The following INTS6 variants were observed in gnomAD, a reference collection of about 807,000 sequenced individuals.
INTS6 encodes integrator complex subunit 6.
A neutral mutation model predicts 104.9 loss-of-function variants in INTS6; 16 were observed. The ratio of observed to expected loss-of-function variants is 0.15; its 90% CI spans 0.10 to 0.23. The LOEUF (loss-of-function observed/expected upper bound fraction) is 0.23. Ranked by LOEUF, INTS6 falls within the 10% of genes least tolerant of loss-of-function variation. The probability of loss-of-function intolerance (pLI) is 1.00; values close to 1 mark genes in which losing one functional copy is unlikely to be tolerated. For missense variants in INTS6, 584 were observed against 1,062.8 expected, an observed-to-expected ratio of 0.55 and a Z score of 6.26; for synonymous variants, 324 against 358.7, an observed-to-expected ratio of 0.90 and a Z score of 1.09.
downstream of INTS6, among the ~76,000 whole-genome samples, chr13:51,350,530 C>G (rs1278323330): frequency 6.6e-6 from 1 of 152,026 alleles, no homozygotes; most frequent in African/African-American, 2.4e-5. Flanking sequence ...TCTTAAAATC[C>G]ACCAGATCCC....
intron 4 of INTS6, among the ~76,000 whole-genome samples, chr13:51,427,123 T>C (rs143800228): frequency 2.6e-4 from 40 of 152,220 alleles, no homozygotes; most frequent in Middle Eastern, 3.4e-3. Context: ...TTGGATAACA[T>C]GACTCTTAAG....
Position 51,364,262 on chromosome 13 carries a change from G to A in INTS6, c.*1490C>T, listed in dbSNP as rs1955641307. On this transcript the variant is annotated 3_prime_UTR_variant, in exon 18 of 18. Transcript: ENST00000311234. ...AGGGTTTGTCTTCAGTATTGGGAGA[G>A]TTTCAAATCCCCTAGACTAAATGCA... 6.8e-7 allele frequency: 1 copy of A among 1,478,160 alleles called. No homozygotes were observed. The highest frequency in any genetic ancestry group is 9.1e-7 in the Non-Finnish European group (1 of 1,101,064). The allele number at this position is 1,478,160 out of a possible 1,614,324, so 91.6% of individuals were successfully genotyped here.
chr13:51,353,381 A>T (rs1273891921), downstream of INTS6, among the ~76,000 whole-genome samples: 1 of 152,222 alleles, frequency 6.6e-6, no homozygotes, highest in Non-Finnish European at 1.5e-5. Context: ...ACAAGGATTC[A>T]TTCATTTAAT....
chr13:51,430,598 G>A (rs1359400882), intron 3 of INTS6, among the ~76,000 whole-genome samples: 1 of 152,164 alleles, frequency 6.6e-6, no homozygotes. Context: ...AGAGAAAGAG[G>A]TGGATTTTTC....
In INTS6 at chr13:51,364,099, C is replaced by G; in HGVS notation, c.*1653G>C. On this transcript the variant is annotated 3_prime_UTR_variant, in exon 18 of 18. Transcript: ENST00000311234. ...ACTCTCAATGAATTTAGCAATGTGA[C>G]TACAGGCAATTACCTTAACAATTCC... 2.4e-6 allele frequency: 1 copy of G among 422,336 alleles called. No individual in the cohort carries two copies. The highest frequency in any genetic ancestry group is 4.1e-6 in the Non-Finnish European group (1 of 241,696). The allele number at this position is 422,336 out of a possible 1,614,324, so 26.2% of individuals were successfully genotyped here. A position where few individuals can be genotyped will look rare whatever the true frequency, so the allele number is the denominator to read the frequency against.
chr13:51,349,965 A>C (rs1955388935), downstream of INTS6, among the ~76,000 whole-genome samples: 1 of 152,202 alleles, frequency 6.6e-6, no homozygotes, highest in Non-Finnish European at 1.5e-5. Flanking sequence ...TGGGGAACAA[A>C]ACAAAAAAAG....
the INTS6 span, among the ~76,000 whole-genome samples, chr13:51,347,931 C>G: frequency 5.3e-5 from 8 of 150,538 alleles, no homozygotes; most frequent in Non-Finnish European, 1.0e-4. Flanking sequence ...GGGCACTACT[C>G]TATGTGGTTC....
chr13:51,436,703 A>G (rs148158780), intron 3 of INTS6: 1 of 152,350 alleles, frequency 6.6e-6, no homozygotes, highest in Non-Finnish European at 1.5e-5. Context: ...TCAATAATTG[A>G]TAAGACTAAG....
the INTS6 span, chr13:51,341,176 C>A: frequency 6.2e-7 from 1 of 1,614,022 alleles, no homozygotes. Context: ...AATGACATTG[C>A]TGAAGACTGA....
intron 3 of INTS6, among the ~76,000 whole-genome samples, chr13:51,432,825 G>T (rs1318306717): frequency 6.6e-6 from 1 of 152,056 alleles, no homozygotes; most frequent in Non-Finnish European, 1.5e-5. Context: ...ATTCGTGTTG[G>T]CCATTCAAAG....
Position 51,451,968 on chromosome 13 carries a change from G to C in INTS6, c.189+10C>G, listed in dbSNP as rs1318868754. The C allele has an allele frequency of 4.4e-6, 7 of 1,604,478 alleles. No homozygotes were observed. Among genetic ancestry groups the C allele is most frequent in the Non-Finnish European group, 6.0e-6 (7 of 1,173,678 alleles). ...GGAAGGGAGGAAAGGGGGAGGGCGA[G>C]GGCTGTTACCTTGATAGCATAGGGC... On this transcript the variant is annotated intron_variant, in intron 2 of 17. Coordinates refer to ENST00000311234, the MANE Select transcript of INTS6 (RefSeq NM_012141.3).
chr13:51,406,639 C>T (rs1956572674), intron 4 of INTS6, among the ~76,000 whole-genome samples: 3 of 152,290 alleles, frequency 2.0e-5, no homozygotes, highest in Admixed American at 6.5e-5. Context: ...CTCTCCTCCA[C>T]CCCCTACCTC....
downstream of INTS6, among the ~76,000 whole-genome samples, chr13:51,352,538 G>A (rs1955415776): frequency 6.6e-6 from 1 of 151,718 alleles, no homozygotes; most frequent in Non-Finnish European, 1.5e-5. Context: ...TGTGAATAGA[G>A]ATAGATTTAC....
chr13:51,443,322 G>T (rs1043325363), intron 3 of INTS6: 6 of 152,110 alleles, frequency 3.9e-5, no homozygotes, highest in African/African-American at 1.4e-4. Flanking sequence ...AAAGTTTAAT[G>T]AAAACTTGTC....
Position 51,369,326 on chromosome 13 carries a change from C to T in INTS6, c.2105-16G>A, listed in dbSNP as rs73195996. 65,772 of 1,580,816 alleles carry T rather than the reference C, an allele frequency of 0.042. 1,719 individuals are homozygous for T. The highest frequency in any genetic ancestry group is 0.091 in the South Asian group (7,936 of 86,810). On this transcript the variant is annotated splice_polypyrimidine_tract_variant and intron_variant, in intron 15 of 17. Transcript: ENST00000311234. ...GTTTCTGAAACTAAAAACAAAGATA[C>T]GGGGAAAAAATTATGGGATCCAGTC...
chr13:51,452,631 G>A lies in INTS6; in HGVS notation c.-106C>T. 1 of 1,518,640 alleles carries A rather than the reference G, an allele frequency of 6.6e-7. No individual in the cohort carries two copies. 94.1% of individuals were successfully genotyped at this position (1,518,640 alleles called of 1,614,324 possible). A position where few individuals can be genotyped will look rare whatever the true frequency, so the allele number is the denominator to read the frequency against. ...GCCGCTACGCGGGGCGGGGGAGCAC[G>A]GCCCCCGGGAGGAAAACACTGTCTG... On this transcript the variant is annotated 5_prime_UTR_variant, in exon 1 of 18. Transcript: ENST00000311234. This position sits in a 1 kb window ranked among gnomAD's most constrained non-coding sequence, Gnocchi z 4.2.
At chr13:51,343,420 G>A in the INTS6 span, among the ~76,000 whole-genome samples, 7 of 152,304 alleles carry the variant, frequency 4.6e-5, no homozygotes, top group East Asian at 1.2e-3. Flanking sequence ...ATGCCTGGGG[G>A]AGGACAGAAG....
chr13:51,341,024 T>C, the INTS6 span: 2 of 1,568,426 alleles, frequency 1.3e-6, no homozygotes, highest in East Asian at 2.2e-5. Context: ...CATGGCCCTC[T>C]TTCATCACCA....
At chr13:51,374,908 A>T in intron 13 of INTS6, 112 bp from the exon 14 acceptor site, 1 of 1,071,132 alleles carries the variant, frequency 9.3e-7, no homozygotes, top group Non-Finnish European at 1.3e-6. Flanking sequence ...TTCTTTACCA[A>T]CATATTCTAA....
Sources: allele counts gnomAD v4.1 joint callset (sites outside exome capture counted in the v4.1 genomes callset), GRCh38; gene constraint gnomAD v4.1.1; non-coding constraint Gnocchi (gnomAD v3.1); transcripts MANE v1.5; gene names NCBI Gene and HGNC (gene_info 2026-07-23, HGNC 2026-07-21).